RTN1: variants seen among roughly 807,000 people sequenced by gnomAD.
The protein encoded by RTN1 is reticulon-1.
A neutral mutation model predicts 65.5 loss-of-function variants in RTN1; 25 were observed. That is an observed-to-expected ratio of 0.38 (90% CI 0.28 to 0.53). The LOEUF is 0.53. Ranked by LOEUF, RTN1 falls within the 20% of genes least tolerant of loss-of-function variation. The pLI is 0.79. For missense variants in RTN1, 983 were observed against 1,025.4 expected, an observed-to-expected ratio of 0.96 and a Z score of 0.57; for synonymous variants, 471 against 447.6, an observed-to-expected ratio of 1.05 and a Z score of -0.66.
At chr14:59,697,781 T>C (rs1160028874) in intron 3 of RTN1, among the ~76,000 whole-genome samples, 2 of 152,178 alleles carry the variant, frequency 1.3e-5, no homozygotes, top group African/African-American at 4.8e-5. Flanking sequence ...GTGATGTGGC[T>C]GACAAACAGG....
chr14:59,648,063 C>T (rs2224313), intron 3 of RTN1, among the ~76,000 whole-genome samples: 121,266 of 152,114 alleles, frequency 0.8, 48,455 homozygotes, highest in Admixed American at 0.86. Flanking sequence ...GAAGAAAAGA[C>T]AGATCCAAAT....
intron 3 of RTN1, among the ~76,000 whole-genome samples, chr14:59,673,917 T>C (rs1256736520): frequency 1.3e-5 from 2 of 152,222 alleles, no homozygotes; most frequent in African/African-American, 4.8e-5. Context: ...AACTAGGATA[T>C]GGATATTGAT....
At chr14:59,750,412 G>A (rs191107375) in intron 1 of RTN1, among the ~76,000 whole-genome samples, 11 of 34,966 alleles carry the variant, frequency 3.1e-4, no homozygotes, top group South Asian at 1.2e-3. Flanking sequence ...TATATTATAT[G>A]TATAATATAT....
At chr14:59,738,920 G>A (rs1033756118) in intron 2 of RTN1, among the ~76,000 whole-genome samples, 11 of 152,098 alleles carry the variant, frequency 7.2e-5, no homozygotes, top group African/African-American at 1.9e-4. Flanking sequence ...AATACCACAC[G>A]TTCTCACTTA....
At chr14:59,749,395 TATATATATC>T (rs1885345248) in intron 1 of RTN1, among the ~76,000 whole-genome samples, 1 of 70,186 alleles carries the variant, frequency 1.4e-5, no homozygotes, top group African/African-American at 1.0e-4. Context: ...TATATATATC[TATATATATC>T]TATATCTATA....
chr14:59,688,544 T>A (rs1594679271), intron 3 of RTN1, among the ~76,000 whole-genome samples: 1 of 152,272 alleles, frequency 6.6e-6, no homozygotes, highest in African/African-American at 2.4e-5. Context: ...AGCCCATTGC[T>A]TGAGGCAACA....
rs971894632 is a variant in RTN1 at position 59,846,927 on chromosome 14, A to G, written c.241+23463T>C. Among the ~76,000 whole-genome samples the G allele has an allele frequency of 6.6e-6, 1 of 152,164 alleles. No individual in the cohort carries two copies. The highest frequency in any genetic ancestry group is 1.5e-5 in the Non-Finnish European group (1 of 68,024). ...GATAAATGCAAATGAAGAGCTCTGTACCCCTTCATCACCATTCTAGAAACC... is the reference window on the plus strand; with the variant it reads ...GATAAATGCAAATGAAGAGCTCTGTGCCCCTTCATCACCATTCTAGAAACC... On this transcript the variant is annotated intron_variant, in intron 1 of 8. Transcript: ENST00000267484. The surrounding 1 kb of genome is among the most constrained non-coding windows in gnomAD (Gnocchi z 4.8).
At chr14:59,855,737 G>A (rs957807863) in intron 1 of RTN1, among the ~76,000 whole-genome samples, 1 of 152,160 alleles carries the variant, frequency 6.6e-6, no homozygotes, top group African/African-American at 2.4e-5. Flanking sequence ...GAGCAGTGAT[G>A]AAACTCCTGA....
chr14:59,769,344 C>T (rs1159259912), intron 1 of RTN1, among the ~76,000 whole-genome samples: 4 of 152,114 alleles, frequency 2.6e-5, no homozygotes, highest in African/African-American at 4.8e-5. Context: ...AGTATCAATG[C>T]ATAGCAAGCA....
intron 3 of RTN1, among the ~76,000 whole-genome samples, chr14:59,623,603 T>C (rs755129438): frequency 7.2e-5 from 11 of 152,360 alleles, no homozygotes; most frequent in Admixed American, 2.0e-4. Context: ...ACTATTTCTT[T>C]AAGCTTTTTG....
At chr14:59,700,801 T>C (rs1419951410) in intron 3 of RTN1, among the ~76,000 whole-genome samples, 1 of 152,162 alleles carries the variant, frequency 6.6e-6, no homozygotes, top group African/African-American at 2.4e-5. Context: ...TTAACTTGTA[T>C]TAGGTGGTAC....
intron 8 of RTN1, 123 bp from the exon 9 acceptor site, chr14:59,596,910 T>G: frequency 1.4e-6 from 1 of 709,940 alleles, no homozygotes; most frequent in Non-Finnish European, 2.5e-6. Context: ...ATTATAGTCT[T>G]TATGTAAGTA....
intron 3 of RTN1, among the ~76,000 whole-genome samples, chr14:59,716,194 T>C (rs1184845888): frequency 6.6e-6 from 1 of 152,234 alleles, no homozygotes; most frequent in African/African-American, 2.4e-5. Flanking sequence ...AGAGAACATT[T>C]AGCTTTGCTT....
intron 3 of RTN1, among the ~76,000 whole-genome samples, chr14:59,644,348 G>T (rs1404395037): frequency 1.3e-5 from 2 of 152,152 alleles, no homozygotes; most frequent in Non-Finnish European, 2.9e-5. Context: ...CTGGGAATCG[G>T]TGAGTGAGTG....
At chr14:59,625,338 AAAAT>A (rs1409416187) in intron 3 of RTN1, among the ~76,000 whole-genome samples, 1 of 152,236 alleles carries the variant, frequency 6.6e-6, no homozygotes, top group Non-Finnish European at 1.5e-5. Context: ...ATCTTTAAAA[AAAAT>A]GTTGGACACT....
intron 1 of RTN1, among the ~76,000 whole-genome samples, chr14:59,847,954 G>T (rs1205733952): frequency 1.3e-5 from 2 of 152,142 alleles, no homozygotes; most frequent in Non-Finnish European, 2.9e-5. Context: ...CTTTTAGCCA[G>T]GCCACTCTGC....
Position 59,791,970 on chromosome 14 carries a change from A to G in RTN1, c.242-45489T>C, listed in dbSNP as rs371359364. ...TCTCTAAATCAAGGAGGAATGGGAG[A>G]CTTCTTAGATTTTGTCTACTCACAC... On this transcript the variant is annotated intron_variant, in intron 1 of 8. Transcript: ENST00000267484. Among the ~76,000 whole-genome samples the G allele has an allele frequency of 4.0e-5, 6 of 151,862 alleles. No homozygotes were observed. The East Asian group carries it at 7.8e-4, about 20-fold the overall frequency.
intron 7 of RTN1, 27 bp downstream of exon 7, chr14:59,603,185 C>T: frequency 1.9e-6 from 3 of 1,611,840 alleles, no homozygotes; most frequent in Non-Finnish European, 2.5e-6. Context: ...AATTCAATGC[C>T]ATTTTTTGAC....
intron 1 of RTN1, among the ~76,000 whole-genome samples, chr14:59,831,908 A>G (rs558306224): frequency 2.0e-4 from 30 of 152,266 alleles, no homozygotes; most frequent in African/African-American, 7.2e-4. Context: ...ACATGTCTCT[A>G]GCATCACACT....
Sources: allele counts gnomAD v4.1 joint callset (sites outside exome capture counted in the v4.1 genomes callset), GRCh38; gene constraint gnomAD v4.1.1; non-coding constraint Gnocchi (gnomAD v3.1); transcripts MANE v1.5; gene names NCBI Gene and HGNC (gene_info 2026-07-23, HGNC 2026-07-21).